The following FAM228B variants were observed in gnomAD, a reference collection of about 807,000 sequenced individuals.
The protein encoded by FAM228B is protein FAM228B.
In FAM228B, 38 loss-of-function variants were observed where a neutral mutation model predicts 42.6. The observed-to-expected ratio is 0.89, with a 90% CI of 0.69 to 1.17. FAM228B has a LOEUF of 1.17. Ranked by LOEUF, FAM228B falls within the 50% of genes most tolerant of loss-of-function variation. FAM228B has a pLI of 0.00. For missense variants in FAM228B, 344 were observed against 367.3 expected (o/e 0.94, Z 0.52); for synonymous variants, 109 against 122.3 (o/e 0.89, Z 0.72).
intron 9 of FAM228B, among the ~76,000 whole-genome samples, chr2:24,166,915 C>T (rs1667430452): frequency 6.6e-6 from 1 of 151,636 alleles, no homozygotes; most frequent in African/African-American, 2.4e-5. Context: ...CAGGAAACAG[C>T]AAGAAAAAGT....
At chr2:24,086,096 G>A (rs1217485903) in intron 2 of FAM228B, among the ~76,000 whole-genome samples, 1 of 151,892 alleles carries the variant, frequency 6.6e-6, no homozygotes, top group Non-Finnish European at 1.5e-5. Context: ...TTAGCCGGGC[G>A]TGGTGGCGGG....
At chr2:24,158,215 C>CTTTTTTTTTTTTTTTTTG (rs1335914110) in intron 7 of FAM228B, among the ~76,000 whole-genome samples, 1 of 9,176 alleles carries the variant, frequency 1.1e-4, no homozygotes, top group Non-Finnish European at 1.9e-4. Flanking sequence ...TTTTTTTTTC[C>CTTTTTTTTTTTTTTTTTG]AAAACATTGT....
intron 7 of FAM228B, among the ~76,000 whole-genome samples, chr2:24,155,927 T>G (rs1667132725): frequency 6.6e-6 from 1 of 152,184 alleles, no homozygotes; most frequent in South Asian, 2.1e-4. Context: ...TTTCAAATTT[T>G]GAGGATAATT....
chr2:24,104,900 CT>C (rs1452194936), intron 3 of FAM228B, among the ~76,000 whole-genome samples: 17 of 152,150 alleles, frequency 1.1e-4, no homozygotes, highest in African/African-American at 3.9e-4. Context: ...CAAATGCAGC[CT>C]TCTGTTGTCC....
chr2:24,110,487 C>G (rs1665771603), intron 3 of FAM228B, among the ~76,000 whole-genome samples: 1 of 152,086 alleles, frequency 6.6e-6, no homozygotes, highest in Non-Finnish European at 1.5e-5. Flanking sequence ...AATCATATAG[C>G]CGATGATTCA....
intron 7 of FAM228B, among the ~76,000 whole-genome samples, chr2:24,158,750 C>T (rs1573784269): frequency 6.6e-6 from 1 of 152,128 alleles, no homozygotes; most frequent in Non-Finnish European, 1.5e-5. Context: ...ATTTTGGTGA[C>T]TACATTTGGA....
chr2:24,084,374 GGCAGGGCAGGACAGGA>G lies in FAM228B; in HGVS notation c.-210+3420_-210+3435del, dbSNP rs777226775. 4 of 1,391,918 alleles carry G rather than the reference GGCAGGGCAGGACAGGA, an allele frequency of 2.9e-6. No homozygotes were observed. The African/African-American group carries it at 5.6e-5, about 19-fold the overall frequency. The allele number at this position is 1,391,918 out of a possible 1,614,324, so 86.2% of individuals were successfully genotyped here. A position where few individuals can be genotyped will look rare whatever the true frequency, so the allele number is the denominator to read the frequency against. On this transcript the variant is annotated intron_variant, in intron 2 of 10. Coordinates refer to the FAM228B transcript ENST00000613899. The surrounding 1 kb of genome is among the most constrained non-coding windows in gnomAD (Gnocchi z 8.4). ...GGCAGGGCAGGACAGGACAGGGCAG[GGCAGGGCAGGACAGGA>G]CAGGGCAGGGCAGGACAGGACAGGG... is the stretch of plus-strand genomic sequence containing the variant.
intron 2 of FAM228B, among the ~76,000 whole-genome samples, chr2:24,133,389 T>G (rs1666501658): frequency 6.6e-6 from 1 of 152,242 alleles, no homozygotes; most frequent in African/African-American, 2.4e-5. Context: ...GAGTTTTCTA[T>G]GCTTCTAGTT....
intron 5 of FAM228B, among the ~76,000 whole-genome samples, chr2:24,143,332 C>T (rs112340369): frequency 0.099 from 15,123 of 152,066 alleles, 1,685 homozygotes; most frequent in African/African-American, 0.27. Flanking sequence ...AGGCGCCCGC[C>T]ACCACGCCCG....
At chr2:24,165,416 C>A (rs1317514110) in intron 9 of FAM228B, 2 of 471,156 alleles carry the variant, frequency 4.2e-6, no homozygotes, top group Non-Finnish European at 8.8e-6. Context: ...CTCCTAGTAC[C>A]AGCCCCTGTC....
chr2:24,084,037 G>A lies in FAM228B; in HGVS notation c.-210+3082G>A, dbSNP rs1665137356. On this transcript the variant is annotated intron_variant, in intron 2 of 10. Coordinates refer to the FAM228B transcript ENST00000613899. This position sits in a 1 kb window ranked among gnomAD's most constrained non-coding sequence, Gnocchi z 8.4. ...CCCTTGTTTTGCATGAACAAAGAGG[G>A]CGCCCTGGGTTTAGGTCTGGGAAGC... is the stretch of plus-strand genomic sequence containing the variant. The A allele has an allele frequency of 2.4e-6, 3 of 1,248,638 alleles. No individual in the cohort carries two copies. The highest frequency in any genetic ancestry group is 6.0e-5 in the Admixed American group (2 of 33,560). The allele number at this position is 1,248,638 out of a possible 1,614,324, so 77.3% of individuals were successfully genotyped here.
rs753887511 is a variant in FAM228B at position 24,139,440 on chromosome 2, A to G, written c.431A>G (p.Asn144Ser). The change falls in exon 5 of 11, where the codon AAT becomes AGT. Residue 144 changes from asparagine to serine, a missense_variant. Asn to Ser is a conservative substitution (Grantham distance 46). Coordinates refer to ENST00000615575, the MANE Select transcript of FAM228B (RefSeq NM_001145710.2). ...TTTTATATGAGCAAGAAGGACCCCA[A>G]TTTTCTGAAGGTAGGGTAGATTTCT... ...DPFYMSKKDP[N>S]FLKVTIPPFH... 1.9e-5 allele frequency: 30 copies of G among 1,543,616 alleles called. No homozygotes were observed. The highest frequency in any genetic ancestry group is 2.3e-5 in the Non-Finnish European group (26 of 1,140,618).
chr2:24,128,980 A>G (rs1416251536), intron 2 of FAM228B, among the ~76,000 whole-genome samples: 1 of 151,638 alleles, frequency 6.6e-6, no homozygotes, highest in Non-Finnish European at 1.5e-5. Flanking sequence ...GGACTGTGTG[A>G]CCTCTAGGGA....
At chr2:24,139,707 C>A (rs1024573451) in intron 5 of FAM228B, among the ~76,000 whole-genome samples, 3 of 151,906 alleles carry the variant, frequency 2.0e-5, no homozygotes, top group Non-Finnish European at 2.9e-5. Flanking sequence ...AAATTTGTTA[C>A]AAAAGTAACA....
chr2:24,094,533 G>A (rs576692405), intron 2 of FAM228B, among the ~76,000 whole-genome samples: 10 of 151,932 alleles, frequency 6.6e-5, no homozygotes, highest in South Asian at 2.1e-4. Flanking sequence ...TGCTGAGGCC[G>A]GAGTAAAATG....
intron 2 of FAM228B, among the ~76,000 whole-genome samples, chr2:24,081,977 G>A (rs977323412): frequency 6.6e-6 from 1 of 151,256 alleles, no homozygotes. Flanking sequence ...TTACAGGCGT[G>A]AGCCACCACG....
upstream of FAM228B, chr2:24,121,259 G>A (rs769750405): frequency 2.5e-6 from 4 of 1,614,086 alleles, no homozygotes; most frequent in Non-Finnish European, 3.4e-6. Context: ...AAGGGTTCTT[G>A]GCAAATCCAT....
intron 2 of FAM228B, among the ~76,000 whole-genome samples, chr2:24,130,675 T>C (rs187186702): frequency 1.0e-3 from 156 of 152,278 alleles, no homozygotes; most frequent in Non-Finnish European, 1.8e-3. Context: ...AACTTGTTTG[T>C]TTTTTGTAGG....
At chr2:24,142,098 C>T (rs1430703915) in intron 5 of FAM228B, among the ~76,000 whole-genome samples, 1 of 152,204 alleles carries the variant, frequency 6.6e-6, no homozygotes, top group Non-Finnish European at 1.5e-5. Context: ...CTGCTCTGTA[C>T]TCTTTATGGA....
Sources: gnomAD v4.1 joint callset for allele counts (sites outside exome capture counted in the v4.1 genomes callset) on GRCh38, gnomAD v4.1.1 for gene constraint, Gnocchi (gnomAD v3.1) non-coding constraint, MANE v1.5 for transcripts, NCBI Gene and HGNC (gene_info 2026-07-23, HGNC 2026-07-21) for gene names.